Variants in TBC1D12 observed in about 807,000 individuals in gnomAD.
The protein encoded by TBC1D12 is TBC1 domain family, member 12.
In TBC1D12, 56 loss-of-function variants were observed where a neutral mutation model predicts 86.7. The observed-to-expected ratio is 0.65, with a 90% CI of 0.52 to 0.81. The LOEUF is 0.81. Among genes scored for constraint, TBC1D12 ranks in the 30% least tolerant of loss-of-function variants. TBC1D12 has a pLI of 0.00. For synonymous variants in TBC1D12, 421 were observed against 411.7 expected (o/e 1.02, Z -0.27); for missense variants, 1,023 against 1,038.8 (o/e 0.98, Z 0.21).
rs548772641 is a variant in TBC1D12 at position 94,481,635 on chromosome 10, C to G, written c.1211+6852C>G. Among the ~76,000 whole-genome samples, 5 of 152,250 alleles carry G rather than the reference C, an allele frequency of 3.3e-5. No individual in the cohort carries two copies. The South Asian group carries it at 1.0e-3, about 32-fold the overall frequency. ...TGTTATGGCTGGTTTGGTCTTTTATCTAGACCACTCACACTTTCTCAGCAA... is the reference window on the plus strand; with the variant it reads ...TGTTATGGCTGGTTTGGTCTTTTATGTAGACCACTCACACTTTCTCAGCAA... On this transcript the variant is annotated intron_variant, in intron 3 of 12. Transcript: ENST00000225235.
At chr10:94,465,670 ATGTGTGTG>A (rs34828664) in intron 2 of TBC1D12, among the ~76,000 whole-genome samples, 38 of 137,952 alleles carry the variant, frequency 2.8e-4, no homozygotes, top group African/African-American at 8.4e-4. Context: ...ATATATATAT[ATGTGTGTG>A]TGTGTGTGTG....
chr10:94,484,712 A>T (rs2056134715), intron 3 of TBC1D12, among the ~76,000 whole-genome samples: 1 of 152,128 alleles, frequency 6.6e-6, no homozygotes, highest in African/African-American at 2.4e-5. Flanking sequence ...AACAATGTTG[A>T]TTCTTCCAAT....
chr10:94,488,581 G>A (rs564224909), intron 3 of TBC1D12, among the ~76,000 whole-genome samples: 22 of 149,750 alleles, frequency 1.5e-4, no homozygotes, highest in African/African-American at 5.4e-4. Context: ...TGGTAGAGAT[G>A]GGGTTTTACC....
At chr10:94,427,236 G>T (rs1056066464) in intron 1 of TBC1D12, among the ~76,000 whole-genome samples, 1 of 152,086 alleles carries the variant, frequency 6.6e-6, no homozygotes, top group Non-Finnish European at 1.5e-5. Flanking sequence ...ATGTTAAAAG[G>T]TATCTTACCT....
At chr10:94,470,690 C>CTTTTTTTTTTTTTTTT (rs35586245) in intron 2 of TBC1D12, among the ~76,000 whole-genome samples, 1 of 105,818 alleles carries the variant, frequency 9.5e-6, no homozygotes, top group African/African-American at 3.4e-5. Context: ...ATTTGTAATT[C>CTTTTTTTTTTTTTTTT]TTTTTTTTTT....
At chr10:94,456,470 G>T (rs2055628240) in intron 2 of TBC1D12, among the ~76,000 whole-genome samples, 1 of 152,066 alleles carries the variant, frequency 6.6e-6, no homozygotes, top group Non-Finnish European at 1.5e-5. Context: ...CAAGTATTTG[G>T]GGATTTTTCA....
intron 1 of TBC1D12, among the ~76,000 whole-genome samples, chr10:94,406,127 G>C (rs1393866794): frequency 6.6e-6 from 1 of 152,100 alleles, no homozygotes; most frequent in Non-Finnish European, 1.5e-5. Flanking sequence ...TTATTTATAG[G>C]AGGCTTTCAT....
At chr10:94,463,543 C>T (rs2055761699) in intron 2 of TBC1D12, among the ~76,000 whole-genome samples, 1 of 152,206 alleles carries the variant, frequency 6.6e-6, no homozygotes, top group Non-Finnish European at 1.5e-5. Flanking sequence ...ACCAAATTAC[C>T]TCTTAAAGGC....
intron 1 of TBC1D12, among the ~76,000 whole-genome samples, chr10:94,414,535 A>G (rs1438807316): frequency 6.6e-6 from 1 of 150,558 alleles, no homozygotes; most frequent in Non-Finnish European, 1.5e-5. Context: ...TATCTTGTAT[A>G]TCTCTCCTTA....
rs1470038501 is a variant in TBC1D12, at chr10:94,402,851, C to G, written c.238C>G (p.Gln80Glu). 5 of 1,533,284 alleles carry G rather than the reference C, an allele frequency of 3.3e-6. No homozygotes were observed. The Admixed American group carries it at 8.1e-5, about 25-fold the overall frequency. The allele number at this position is 1,533,284 out of a possible 1,614,324, so 95.0% of individuals were successfully genotyped here. ...LQRYLAAAGEQLEPGLCYCPL... is the reference protein window; with the variant it reads ...LQRYLAAAGEELEPGLCYCPL... Reference sequence around the variant, plus strand: ...GCGTTACCTCGCGGCGGCCGGGGAGCAGCTGGAGCCGGGGCTCTGCTACTG... The same window carrying G: ...GCGTTACCTCGCGGCGGCCGGGGAGGAGCTGGAGCCGGGGCTCTGCTACTG... Residue 80 changes from glutamine (Q) to glutamate (E), a missense_variant, in exon 1 of 13, where the codon CAG (glutamine) becomes GAG (glutamate). Physicochemically the swap from Gln to Glu is conservative, Grantham distance 29. Transcript: ENST00000225235.
intron 1 of TBC1D12, among the ~76,000 whole-genome samples, chr10:94,424,086 G>A (rs748574493): frequency 6.6e-6 from 1 of 152,186 alleles, no homozygotes; most frequent in African/African-American, 2.4e-5. Flanking sequence ...TATACAAGAA[G>A]ATGTGTATAG....
At position 94,476,822 on chromosome 10, in the gene TBC1D12, C is replaced by T. The variant is rs1007334708; in HGVS notation, c.1211+2039C>T. On this transcript the variant is annotated intron_variant, in intron 3 of 12. Transcript: ENST00000225235. ...TTTAGGTTCTACCTCCATGCCTTTG[C>T]TCATGTTATTCCCCTCTCTTGGAAG... 2.0e-5 allele frequency among the ~76,000 whole-genome samples: 3 copies of T among 152,174 alleles called. No homozygotes were observed. The East Asian group carries it at 5.8e-4, about 29-fold the overall frequency.
chr10:94,438,794 G>GT (rs908580508), intron 1 of TBC1D12, among the ~76,000 whole-genome samples: 48 of 147,544 alleles, frequency 3.3e-4, no homozygotes, highest in South Asian at 1.5e-3. Flanking sequence ...GTTACTCTTA[G>GT]TTTTTTTTTT....
At chr10:94,487,891 G>A (rs541856353) in intron 3 of TBC1D12, among the ~76,000 whole-genome samples, 3 of 150,920 alleles carry the variant, frequency 2.0e-5, no homozygotes, top group Admixed American at 1.3e-4. Flanking sequence ...TAGTAAGGAT[G>A]AAGTCTTGCT....
chr10:94,450,757 A>G (rs527839811), intron 2 of TBC1D12, among the ~76,000 whole-genome samples: 2 of 152,260 alleles, frequency 1.3e-5, no homozygotes, highest in East Asian at 3.9e-4. Flanking sequence ...ATATGGAATC[A>G]GCCTAGGTAT....
chr10:94,403,179 C>G lies in TBC1D12; in HGVS notation c.566C>G (p.Ser189Cys). 6.8e-7 allele frequency: 1 copy of G among 1,468,860 alleles called. No homozygotes were observed. Among genetic ancestry groups the G allele is most frequent in the South Asian group, 1.4e-5 (1 of 74,050 alleles). The allele number at this position is 1,468,860 out of a possible 1,614,324, so 91.0% of individuals were successfully genotyped here. The change falls in exon 1 of 13, where the codon TCC becomes TGC. Residue 189 changes from serine to cysteine, a missense_variant. By Grantham distance (112) the Ser-to-Cys change is moderately radical. Around this residue, in one of 2 missense-constraint regions of TBC1D12, gnomAD observed 628 missense variants for 531.1 expected, o/e 1.18. Coordinates refer to ENST00000225235, the MANE Select transcript of TBC1D12 (RefSeq NM_015188.2). Reference protein sequence around the residue: ...DEDADGAGSPSDWASPLEDPL... With the variant: ...DEDADGAGSPCDWASPLEDPL... The stretch of plus-strand genomic sequence containing the variant: ...GACGCGGACGGCGCGGGAAGCCCGT[C>G]CGATTGGGCCTCTCCGCTTGAGGAC...
chr10:94,490,934 A>G (rs2056237447), intron 3 of TBC1D12, among the ~76,000 whole-genome samples: 1 of 151,974 alleles, frequency 6.6e-6, no homozygotes, highest in African/African-American at 2.4e-5. Flanking sequence ...TACTCAGCCA[A>G]AACCTTGAGA....
intron 1 of TBC1D12, among the ~76,000 whole-genome samples, chr10:94,427,558 A>G (rs935043722): frequency 1.3e-5 from 2 of 152,056 alleles, no homozygotes; most frequent in African/African-American, 4.8e-5. Context: ...TCAGCTGGGC[A>G]TGGTGTCTCA....
At chr10:94,525,511 C>T (rs140895436) in intron 11 of TBC1D12, among the ~76,000 whole-genome samples, 4 of 151,512 alleles carry the variant, frequency 2.6e-5, no homozygotes, top group African/African-American at 7.3e-5. Flanking sequence ...GGCTGAGGCA[C>T]GAGAATTGCT....
Sources: allele counts gnomAD v4.1 joint callset (sites outside exome capture counted in the v4.1 genomes callset), GRCh38; gene constraint gnomAD v4.1.1; regional missense constraint gnomAD v4.1.1; transcripts MANE v1.5; gene names NCBI Gene and HGNC (gene_info 2026-07-23, HGNC 2026-07-21).